YJU2: variants seen among roughly 807,000 people sequenced by gnomAD.
YJU2 encodes the protein YJU2 splicing factor homolog.
Under a neutral mutation model 39.6 loss-of-function variants are expected in YJU2, and 28 were observed. That is an observed-to-expected ratio of 0.71 (90% CI 0.52 to 0.97). The LOEUF (loss-of-function observed/expected upper bound fraction) is 0.97. Ranked by LOEUF, YJU2 falls within the 50% of genes least tolerant of loss-of-function variation. The probability of loss-of-function intolerance (pLI) is 0.00; values close to 1 mark genes in which losing one functional copy is unlikely to be tolerated. For missense variants in YJU2, 328 were observed against 430.4 expected, an observed-to-expected ratio of 0.76 and a Z score of 2.11; for synonymous variants, 184 against 182.4, an observed-to-expected ratio of 1.01 and a Z score of -0.07.
intron 6 of YJU2, among the ~76,000 whole-genome samples, chr19:4,263,823 A>AAAT: frequency 6.6e-6 from 1 of 150,730 alleles, no homozygotes; most frequent in African/African-American, 2.4e-5. Flanking sequence ...AAAAAAAAAA[A>AAAT]AAAAAAGGAG....
intron 2 of YJU2, among the ~76,000 whole-genome samples, chr19:4,250,277 C>T (rs1044293891): frequency 2.0e-5 from 3 of 152,172 alleles, no homozygotes; most frequent in Non-Finnish European, 4.4e-5. Context: ...TACTCCTCCC[C>T]CTCATTCATT....
At chr19:4,249,582 C>T (rs556192104) in intron 2 of YJU2, among the ~76,000 whole-genome samples, 95 of 152,150 alleles carry the variant, frequency 6.2e-4, no homozygotes, top group Middle Eastern at 3.4e-3. Context: ...GAGGATAGGA[C>T]GCCACAGAGA....
At chr19:4,264,266 A>AG in intron 6 of YJU2, among the ~76,000 whole-genome samples, 1 of 136,238 alleles carries the variant, frequency 7.3e-6, no homozygotes, top group African/African-American at 3.1e-5. Flanking sequence ...TGTCTCAAAA[A>AG]AAAAAAAAAA....
At chr19:4,249,833 A>G (rs1300568773) in intron 2 of YJU2, among the ~76,000 whole-genome samples, 2 of 151,822 alleles carry the variant, frequency 1.3e-5, no homozygotes, top group Non-Finnish European at 2.9e-5. Context: ...CAGCCTCCCA[A>G]GTAGCTGGGA....
At chr19:4,247,764 T>C (rs1445171832) in intron 1 of YJU2, among the ~76,000 whole-genome samples, 1 of 151,276 alleles carries the variant, frequency 6.6e-6, no homozygotes, top group African/African-American at 2.4e-5. Flanking sequence ...AAGATTTTAC[T>C]GGGGTCTGGT....
chr19:4,256,388 A>T (rs902129898), intron 4 of YJU2, among the ~76,000 whole-genome samples: 1 of 151,668 alleles, frequency 6.6e-6, no homozygotes, highest in South Asian at 2.1e-4. Flanking sequence ...ACCAGATACA[A>T]CATTTTCCAT....
At chr19:4,267,801 G>T (rs1014545799) in intron 7 of YJU2, 27 bp downstream of exon 7, 3 of 1,595,592 alleles carry the variant, frequency 1.9e-6, no homozygotes, top group Middle Eastern at 1.7e-4. Context: ...CCCAGAGCCG[G>T]GCGCGGTTTC....
intron 4 of YJU2, among the ~76,000 whole-genome samples, chr19:4,256,820 A>G (rs577357749): frequency 2.0e-5 from 3 of 152,132 alleles, no homozygotes; most frequent in Non-Finnish European, 4.4e-5. Flanking sequence ...ACCTCACAAC[A>G]TGGCAGCTGC....
intron 3 of YJU2, among the ~76,000 whole-genome samples, chr19:4,251,631 G>A (rs1386519431): frequency 6.7e-6 from 1 of 150,322 alleles, no homozygotes; most frequent in Non-Finnish European, 1.5e-5. Context: ...GTTGCAGTGA[G>A]CGAAGATTGC....
At chr19:4,255,477 C>T (rs551158111) in intron 4 of YJU2, among the ~76,000 whole-genome samples, 1 of 152,144 alleles carries the variant, frequency 6.6e-6, no homozygotes, top group South Asian at 2.1e-4. Context: ...CACCTGTAAT[C>T]GCAGCACTTT....
At chr19:4,266,098 C>T (rs1363838350) in intron 6 of YJU2, among the ~76,000 whole-genome samples, 4 of 151,942 alleles carry the variant, frequency 2.6e-5, no homozygotes, top group African/African-American at 9.7e-5. Flanking sequence ...GGATTACAGG[C>T]GTGTGCCACC....
chr19:4,249,475 C>G, intron 2 of YJU2, 147 bp downstream of exon 2: 1 of 583,630 alleles, frequency 1.7e-6, no homozygotes, highest in Non-Finnish European at 3.0e-6. Context: ...TCCAACCCTC[C>G]TTCGCCTCAC....
At chr19:4,266,961 TC>T (rs1288136485) in intron 6 of YJU2, among the ~76,000 whole-genome samples, 1 of 151,940 alleles carries the variant, frequency 6.6e-6, no homozygotes, top group East Asian at 1.9e-4. Context: ...AGTGAGACCT[TC>T]CCCCCAAAAA....
At chr19:4,253,473 C>T (rs1469599018) in intron 3 of YJU2, among the ~76,000 whole-genome samples, 2 of 151,808 alleles carry the variant, frequency 1.3e-5, no homozygotes, top group South Asian at 2.1e-4. Context: ...CCCAGCTACT[C>T]GGCAGGCTAA....
rs1248697365 is a variant in YJU2, at chr19:4,251,153, G to A, written c.252G>A (p.Leu84=). The A allele has an allele frequency of 6.2e-7, 1 of 1,614,060 alleles. No homozygotes were observed. The highest frequency in any genetic ancestry group is 1.1e-5 in the South Asian group (1 of 91,084). Reference sequence around the variant, plus strand: ...TTTACATCAAGTGCACGCGCTGCCTGGCAGAGATCACCTTCAAGGTAGGTG... The same window carrying A: ...TTTACATCAAGTGCACGCGCTGCCTAGCAGAGATCACCTTCAAGGTAGGTG... ...FRFYIKCTRC[L]AEITFKTDPE... Residue 84 remains leucine, a synonymous_variant, in exon 3 of 8, where the codon CTG becomes CTA. Transcript: ENST00000262962.
At chr19:4,255,596 G>T (rs1278930571) in intron 4 of YJU2, among the ~76,000 whole-genome samples, 1 of 151,916 alleles carries the variant, frequency 6.6e-6, no homozygotes, top group Non-Finnish European at 1.5e-5. Context: ...GGGCATGGTG[G>T]CAGACACCTG....
At chr19:4,247,582 C>CGTGGCGTGGT (rs1970933162) in intron 1 of YJU2, among the ~76,000 whole-genome samples, 1 of 27,338 alleles carries the variant, frequency 3.7e-5, no homozygotes, top group East Asian at 1.4e-3. Context: ...TGGGGTGGCG[C>CGTGGCGTGGT]GTGTGTGTGT....
chr19:4,264,493 C>CT (rs578217170), intron 6 of YJU2, among the ~76,000 whole-genome samples: 4,075 of 137,116 alleles, frequency 0.03, 115 homozygotes, highest in Middle Eastern at 0.085. Flanking sequence ...TTCTTTCTTT[C>CT]TTTTTTTTTT....
At position 4,258,223 on chromosome 19, in the gene YJU2, G is replaced by T; in HGVS notation, c.406-19G>T. 3 of 1,549,802 alleles carry T rather than the reference G, an allele frequency of 1.9e-6. No individual in the cohort carries two copies. In the South Asian group the frequency reaches 3.6e-5, roughly 18 times the overall value. On this transcript the variant is annotated intron_variant, in intron 4 of 7. Transcript: ENST00000262962. ...GTGCGATCCCCATGCACTCAGCCCC[G>T]CCGCCCCGCGCCCGCCAGGTGCTGG...
Sources: allele counts gnomAD v4.1 joint callset (sites outside exome capture counted in the v4.1 genomes callset), GRCh38; gene constraint gnomAD v4.1.1; transcripts MANE v1.5; gene names NCBI Gene and HGNC (gene_info 2026-07-23, HGNC 2026-07-21).